CDH4: variants seen among roughly 807,000 people sequenced by gnomAD.
CDH4 encodes the protein cadherin 4.
In CDH4, 33 loss-of-function variants were observed where a neutral mutation model predicts 86.0. The observed-to-expected ratio is 0.38, with a 90% CI of 0.29 to 0.51. CDH4 has a LOEUF of 0.51. Ranked by LOEUF, CDH4 falls within the 20% of genes least tolerant of loss-of-function variation. The probability of loss-of-function intolerance (pLI) is 0.86; values close to 1 mark genes in which losing one functional copy is unlikely to be tolerated. For synonymous variants in CDH4, 555 were observed against 549.4 expected, an observed-to-expected ratio of 1.01 and a Z score of -0.14; for missense variants, 1,114 against 1,307.4, an observed-to-expected ratio of 0.85 and a Z score of 2.28.
chr20:61,573,509 C>T (rs1257204772), intron 2 of CDH4, among the ~76,000 whole-genome samples: 1 of 152,220 alleles, frequency 6.6e-6, no homozygotes, highest in Non-Finnish European at 1.5e-5. Context: ...AGCGCACCAT[C>T]ATGTCTGAGG....
intron 3 of CDH4, among the ~76,000 whole-genome samples, chr20:61,772,765 C>T (rs2088788688): frequency 5.3e-5 from 8 of 152,014 alleles, no homozygotes; most frequent in Admixed American, 5.2e-4. Flanking sequence ...TTCTTTTTCC[C>T]GCATTTAATT....
intron 2 of CDH4, among the ~76,000 whole-genome samples, chr20:61,445,838 T>C (rs927395675): frequency 6.6e-6 from 1 of 152,222 alleles, no homozygotes; most frequent in Non-Finnish European, 1.5e-5. Flanking sequence ...TGATTTGACA[T>C]GGGGAGGGAG....
chr20:61,769,096 C>T (rs1242993335), intron 3 of CDH4, among the ~76,000 whole-genome samples: 1 of 152,128 alleles, frequency 6.6e-6, no homozygotes, highest in Non-Finnish European at 1.5e-5. Flanking sequence ...CAGAGGCTCC[C>T]CTCGCCCTCA....
At chr20:61,725,449 G>C (rs557160490) in intron 2 of CDH4, among the ~76,000 whole-genome samples, 5 of 152,302 alleles carry the variant, frequency 3.3e-5, no homozygotes, top group African/African-American at 9.6e-5. Context: ...AGGGAGCACT[G>C]TTCCCAGTAT....
intron 4 of CDH4, among the ~76,000 whole-genome samples, chr20:61,786,018 GA>G (rs1415518999): frequency 6.6e-6 from 1 of 152,178 alleles, no homozygotes. Flanking sequence ...GTGGACTGTG[GA>G]AATCTCCCCT....
Position 61,329,604 on chromosome 20 carries a change from AAGCTGAGTGAGCCTGT to A in CDH4, c.169+74668_169+74683del, listed in dbSNP as rs570974673. Among the ~76,000 whole-genome samples the A allele has an allele frequency of 2.8e-3, 421 of 152,200 alleles. 3 individuals carry two copies. The highest frequency in any genetic ancestry group is 4.8e-3 in the Non-Finnish European group (327 of 68,002). On this transcript the variant is annotated intron_variant, in intron 2 of 15. Transcript: ENST00000614565. ...GCATAGTTCCCCCTAAAACATCAGA[AAGCTGAGTGAGCCTGT>A]GCTCTCCTCTCAGAGCTTAGCCACT...
intron 2 of CDH4, among the ~76,000 whole-genome samples, chr20:61,507,980 C>T (rs1269740281): frequency 2.0e-5 from 3 of 152,190 alleles, no homozygotes; most frequent in Admixed American, 2.0e-4. Context: ...ACCCCACCGC[C>T]GGGAAGACGT....
At chr20:61,273,370 AGTTTAGGGGAGTACCGTG>A (rs2084197526) in intron 2 of CDH4, among the ~76,000 whole-genome samples, 6 of 116,326 alleles carry the variant, frequency 5.2e-5, no homozygotes, top group Admixed American at 1.1e-4. Flanking sequence ...TACCGTGTGC[AGTTTAGGGGAGTACCGTG>A]TGCAGTTTGG....
intron 11 of CDH4, among the ~76,000 whole-genome samples, chr20:61,925,958 G>T (rs994598586): frequency 6.6e-6 from 1 of 152,216 alleles, no homozygotes; most frequent in Non-Finnish European, 1.5e-5. Context: ...ACCCCCAGCT[G>T]CAAGGGGCGC....
intron 2 of CDH4, among the ~76,000 whole-genome samples, chr20:61,508,308 T>C (rs1475902880): frequency 6.6e-6 from 1 of 152,212 alleles, no homozygotes; most frequent in Non-Finnish European, 1.5e-5. Flanking sequence ...GACAGGAGCC[T>C]GGAGAGGTCC....
chr20:61,714,341 G>A (rs1041628002), intron 2 of CDH4, among the ~76,000 whole-genome samples: 1 of 152,076 alleles, frequency 6.6e-6, no homozygotes, highest in Non-Finnish European at 1.5e-5. Context: ...CCACCACGCC[G>A]AGAACCATTG....
chr20:61,628,500 C>G (rs2086853209), intron 2 of CDH4, among the ~76,000 whole-genome samples: 1 of 152,218 alleles, frequency 6.6e-6, no homozygotes, highest in South Asian at 2.1e-4. Context: ...CGTATTTTCT[C>G]CACATTCATT....
chr20:61,900,111 G>T (rs1047462238), intron 8 of CDH4, among the ~76,000 whole-genome samples: 2 of 141,800 alleles, frequency 1.4e-5, no homozygotes, highest in East Asian at 1.9e-4. Flanking sequence ...CAGCCTCAGC[G>T]GGGGGGACTG....
intron 2 of CDH4, among the ~76,000 whole-genome samples, chr20:61,375,774 C>CTTG (rs2084865603): frequency 3.0e-5 from 1 of 33,062 alleles, no homozygotes; most frequent in Non-Finnish European, 5.8e-5. Context: ...TGGTGGTGGT[C>CTTG]ATAGCACTGG....
chr20:61,475,406 C>G (rs2085528121), intron 2 of CDH4, among the ~76,000 whole-genome samples: 1 of 147,112 alleles, frequency 6.8e-6, no homozygotes, highest in Non-Finnish European at 1.5e-5. Flanking sequence ...CCTCAGTGAC[C>G]CTGCCTCCAG....
At chr20:61,697,789 T>A (rs1412458403) in intron 2 of CDH4, among the ~76,000 whole-genome samples, 2 of 152,144 alleles carry the variant, frequency 1.3e-5, no homozygotes, top group African/African-American at 4.8e-5. Context: ...CAGGGCTGTC[T>A]CCTCTGTCCG....
rs547660783 is a variant in CDH4 at position 61,285,466 on chromosome 20, G to T, written c.169+30529G>T. Among the ~76,000 whole-genome samples, 346 of 152,344 alleles carry T rather than the reference G, an allele frequency of 2.3e-3. 1 individual carries two copies. Among genetic ancestry groups the T allele is most frequent in the African/African-American group, 8.0e-3 (334 of 41,574 alleles). ...CCTGTGAGCCACAGCACCCAGGTAT[G>T]GAGAAGAAGGAAAGAGGGGAAGCAA... On this transcript the variant is annotated intron_variant, in intron 2 of 15. Coordinates refer to ENST00000614565, the MANE Select transcript of CDH4 (RefSeq NM_001794.5).
rs1277217916 is a variant in CDH4, at chr20:61,754,580, G to A, written c.396+10791G>A. ...CCAAGGGCAGCAGCACACAACAGGT[G>A]CAGGCACACTGCCCGGAACACCACA... On this transcript the variant is annotated intron_variant, in intron 3 of 15. Transcript: ENST00000614565. This position sits in a 1 kb window ranked among gnomAD's most constrained non-coding sequence, Gnocchi z 4.7. 6.6e-6 allele frequency among the ~76,000 whole-genome samples: 1 copy of A among 151,208 alleles called. No homozygotes were observed. Among genetic ancestry groups the A allele is most frequent in the African/African-American group, 2.5e-5 (1 of 40,598 alleles).
At chr20:61,258,007 A>C (rs1345155234) in intron 2 of CDH4, among the ~76,000 whole-genome samples, 1 of 152,192 alleles carries the variant, frequency 6.6e-6, no homozygotes, top group Non-Finnish European at 1.5e-5. Flanking sequence ...TCAGATTAAC[A>C]TGGGTACACT....
Sources: allele counts gnomAD v4.1 joint callset (sites outside exome capture counted in the v4.1 genomes callset), GRCh38; gene constraint gnomAD v4.1.1; non-coding constraint Gnocchi (gnomAD v3.1); transcripts MANE v1.5; gene names NCBI Gene and HGNC (gene_info 2026-07-23, HGNC 2026-07-21).